DICER1: variants seen among roughly 807,000 people sequenced by gnomAD.
DICER1 encodes the protein endoribonuclease Dicer.
Under a neutral mutation model 194.1 loss-of-function variants are expected in DICER1, and 43 were observed. The observed-to-expected ratio is 0.22, with a 90% CI of 0.17 to 0.29. The LOEUF (loss-of-function observed/expected upper bound fraction) is 0.29, where lower values mean the gene tolerates loss of function less well. Ranked by LOEUF, DICER1 falls within the 10% of genes least tolerant of loss-of-function variation. The pLI is 1.00. For synonymous variants in DICER1, 832 were observed against 820.5 expected (o/e 1.01, Z -0.24); for missense variants, 1,608 against 2,317.0 (o/e 0.69, Z 6.28).
At chr14:95,157,093 C>A (rs1326114729) in intron 1 of DICER1, 137 bp downstream of exon 1, 1 of 150,838 alleles carries the variant, frequency 6.6e-6, no homozygotes, top group Non-Finnish European at 1.5e-5. Context: ...CCGCGCCCTT[C>A]GTCAGCGCCC....
At chr14:95,150,518 G>A (rs529350890) in intron 1 of DICER1, among the ~76,000 whole-genome samples, 3 of 152,110 alleles carry the variant, frequency 2.0e-5, no homozygotes, top group Non-Finnish European at 4.4e-5. Flanking sequence ...TATTTTGTTA[G>A]GTTTAAAATT....
At chr14:95,131,346 A>T (rs1023533791) in intron 4 of DICER1, among the ~76,000 whole-genome samples, 163 bp downstream of exon 4, 2 of 152,166 alleles carry the variant, frequency 1.3e-5, no homozygotes, top group Admixed American at 6.5e-5. Flanking sequence ...TTAAGGTAAG[A>T]CTTACAGTAA....
chr14:95,108,630 G>A (rs911605008), intron 14 of DICER1, 127 bp from the exon 15 acceptor site: 29 of 870,028 alleles, frequency 3.3e-5, no homozygotes, highest in Admixed American at 1.2e-4. Context: ...GAAAATACCC[G>A]AGGCATGACA....
At chr14:95,156,827 A>G (rs921437587) in intron 1 of DICER1, among the ~76,000 whole-genome samples, 2 of 152,086 alleles carry the variant, frequency 1.3e-5, no homozygotes. Flanking sequence ...GTGCTCCGGC[A>G]GGTCAGGCGC....
At chr14:95,103,087 C>A (rs1891035863) in intron 21 of DICER1, among the ~76,000 whole-genome samples, 1 of 152,200 alleles carries the variant, frequency 6.6e-6, no homozygotes, top group Non-Finnish European at 1.5e-5. Context: ...GACTTTCAAT[C>A]AAAAAGTAAG....
chr14:95,129,323 T>C (rs1324663289), intron 6 of DICER1, 149 bp downstream of exon 6: 1 of 700,516 alleles, frequency 1.4e-6, no homozygotes, highest in Non-Finnish European at 2.5e-6. Flanking sequence ...GTAATGGTAC[T>C]TATAGAGAAT....
At chr14:95,156,890 G>C (rs1895916019) in intron 1 of DICER1, among the ~76,000 whole-genome samples, 1 of 152,250 alleles carries the variant, frequency 6.6e-6, no homozygotes, top group Non-Finnish European at 1.5e-5. Context: ...GACGGGACCT[G>C]TCAAGAGCCC....
intron 3 of DICER1, 106 bp from the exon 4 acceptor site, chr14:95,131,745 G>T: frequency 9.4e-7 from 1 of 1,065,186 alleles, no homozygotes; most frequent in Non-Finnish European, 1.4e-6. Flanking sequence ...TATTATATTA[G>T]ACCTAACCAA....
chr14:95,116,779 C>A, intron 9 of DICER1, 84 bp from the exon 10 acceptor site: 1 of 1,337,968 alleles, frequency 7.5e-7, no homozygotes. Context: ...TAAATGACAA[C>A]TGTCATTTCT....
chr14:95,093,768 C>G, intron 24 of DICER1, 120 bp downstream of exon 24: 2 of 1,092,984 alleles, frequency 1.8e-6, no homozygotes, highest in Non-Finnish European at 2.8e-6. Flanking sequence ...ACACAGCACA[C>G]TGGGTCCCAC....
intron 7 of DICER1, among the ~76,000 whole-genome samples, chr14:95,125,582 G>A (rs1296201511): frequency 9.0e-5 from 6 of 66,424 alleles, no homozygotes; most frequent in African/African-American, 3.7e-4. Context: ...GGTGGGGGAA[G>A]GGGAGGAGGA....
intron 6 of DICER1, among the ~76,000 whole-genome samples, chr14:95,128,283 T>G (rs571921791): frequency 6.6e-6 from 1 of 152,342 alleles, no homozygotes; most frequent in Admixed American, 6.5e-5. Flanking sequence ...TAGGTAATGC[T>G]TATTCAACAG....
intron 1 of DICER1, among the ~76,000 whole-genome samples, chr14:95,144,362 G>A (rs1444113340): frequency 6.6e-6 from 1 of 151,816 alleles, no homozygotes; most frequent in Admixed American, 6.6e-5. Context: ...CTTAATGCCA[G>A]CAAGCAGTTC....
chr14:95,146,674 C>T (rs1389801846), intron 1 of DICER1, among the ~76,000 whole-genome samples: 1 of 152,164 alleles, frequency 6.6e-6, no homozygotes, highest in Non-Finnish European at 1.5e-5. Flanking sequence ...ATGACTGGCC[C>T]AGCCACTAGC....
intron 22 of DICER1, 79 bp from the exon 23 acceptor site, chr14:95,096,792 G>A: frequency 6.8e-7 from 1 of 1,462,102 alleles, no homozygotes; most frequent in East Asian, 2.5e-5. Context: ...TAAAAGCAAG[G>A]GTTATGGATA....
At chr14:95,111,202 G>T in intron 14 of DICER1, 115 bp downstream of exon 14, 1 of 1,185,770 alleles carries the variant, frequency 8.4e-7, no homozygotes, top group Non-Finnish European at 1.3e-6. Context: ...GAGATCCAGA[G>T]TGGGCCAAAC....
chr14:95,138,044 C>CAAT (rs1894537868), intron 1 of DICER1: 2 of 154,520 alleles, frequency 1.3e-5, no homozygotes, highest in Admixed American at 1.3e-4. Flanking sequence ...CCTAGACCTC[C>CAAT]AATGTTTCTC....
intron 1 of DICER1, among the ~76,000 whole-genome samples, chr14:95,153,459 T>C (rs1000619129): frequency 6.6e-6 from 1 of 152,210 alleles, no homozygotes; most frequent in African/African-American, 2.4e-5. Flanking sequence ...TTCTCTAAAA[T>C]GGCATGTGAA....
chr14:95,103,056 T>C (rs754845306), intron 21 of DICER1, among the ~76,000 whole-genome samples: 6 of 152,214 alleles, frequency 3.9e-5, no homozygotes, highest in Non-Finnish European at 8.8e-5. Context: ...GTGTACACAC[T>C]TGCATAGCTT....
Sources: allele counts gnomAD v4.1 joint callset (sites outside exome capture counted in the v4.1 genomes callset), GRCh38; gene constraint gnomAD v4.1.1; transcripts MANE v1.5; gene names NCBI Gene and HGNC (gene_info 2026-07-23, HGNC 2026-07-21).